Variants in TARS3 observed in about 807,000 individuals in gnomAD.
The protein encoded by TARS3 is threonyl-tRNA synthetase 3.
In TARS3, 94 loss-of-function variants were observed where a neutral mutation model predicts 103.5. The observed-to-expected ratio is 0.91, with a 90% CI of 0.77 to 1.08. The LOEUF is 1.08. TARS3 is among the 50% of genes least tolerant of loss of function. TARS3 has a pLI of 0.00. For missense variants in TARS3, 952 were observed against 995.2 expected (o/e 0.96, Z 0.58); for synonymous variants, 416 against 355.4 (o/e 1.17, Z -1.92).
chr15:101,696,918 T>A (rs529191531), intron 10 of TARS3, among the ~76,000 whole-genome samples: 2 of 152,346 alleles, frequency 1.3e-5, no homozygotes, highest in Admixed American at 1.3e-4. Context: ...GATGCCTCCG[T>A]GTCCTCCATT....
intron 12 of TARS3, among the ~76,000 whole-genome samples, chr15:101,679,970 C>A (rs1314738650): frequency 6.6e-6 from 1 of 152,156 alleles, no homozygotes; most frequent in Non-Finnish European, 1.5e-5. Flanking sequence ...GTGAGAAAGT[C>A]TTATCTTTCC....
Position 101,657,011 on chromosome 15 carries a change from CCTT to C in TARS3, c.2168_2170del (p.Glu723del). 1.9e-6 allele frequency: 3 copies of C among 1,613,552 alleles called. No individual in the cohort carries two copies. Among genetic ancestry groups the C allele is most frequent in the Non-Finnish European group, 1.7e-6 (2 of 1,179,602 alleles). On this transcript the variant is annotated inframe_deletion, in exon 18 of 19. Coordinates refer to ENST00000335968, the MANE Select transcript of TARS3 (RefSeq NM_152334.3). The stretch of plus-strand genomic sequence containing the variant: ...ATCCAAGTCAACGTCAGCCATAAAT[CCTT>C]CTTCAAAAAATTCACTGGATACCTA...
At chr15:101,673,415 T>C (rs542214741) in intron 13 of TARS3, among the ~76,000 whole-genome samples, 1 of 152,312 alleles carries the variant, frequency 6.6e-6, no homozygotes, top group Admixed American at 6.5e-5. Context: ...CCTGGCACTA[T>C]GCCTAACACT....
chr15:101,663,753 A>C (rs1342733588), intron 15 of TARS3, among the ~76,000 whole-genome samples: 1 of 152,190 alleles, frequency 6.6e-6, no homozygotes, highest in Non-Finnish European at 1.5e-5. Context: ...TACTAATAAT[A>C]ATTTTATCTC....
chr15:101,683,568 G>A (rs12595678), intron 12 of TARS3, among the ~76,000 whole-genome samples: 45,071 of 151,990 alleles, frequency 0.3, 7,481 homozygotes, highest in East Asian at 0.69. Context: ...TGTGTAAGAT[G>A]TACCTCCCTC....
At chr15:101,671,313 C>G (rs1011755904) in intron 15 of TARS3, among the ~76,000 whole-genome samples, 173 bp downstream of exon 15, 1 of 152,094 alleles carries the variant, frequency 6.6e-6, no homozygotes, top group African/African-American at 2.4e-5. Context: ...CGCTACTAGA[C>G]CAGAAAATTC....
Position 101,711,817 on chromosome 15 carries a change from T to C in TARS3, c.812+63A>G, listed in dbSNP as rs1418758828. 4 of 1,575,994 alleles carry C rather than the reference T, an allele frequency of 2.5e-6. No individual in the cohort carries two copies. In the African/African-American group the frequency reaches 5.4e-5, roughly 21 times the overall value. Reference sequence around the variant, plus strand: ...AGTATACAGTTACTAGGCTAGTATGTAACCATTACAGAACAATACAATTGA... The same window carrying C: ...AGTATACAGTTACTAGGCTAGTATGCAACCATTACAGAACAATACAATTGA... On this transcript the variant is annotated intron_variant, in intron 5 of 18. Transcript: ENST00000335968.
chr15:101,705,896 C>T (rs1386866136), intron 6 of TARS3, 149 bp from the exon 7 acceptor site: 13 of 681,532 alleles, frequency 1.9e-5, no homozygotes, highest in East Asian at 1.1e-4. Context: ...CAGCCTTGAG[C>T]GACACCGTGC....
intron 8 of TARS3, 80 bp downstream of exon 8, chr15:101,703,776 TATG>T (rs1259882229): frequency 1.2e-6 from 1 of 807,930 alleles, no homozygotes; most frequent in Non-Finnish European, 2.1e-6. Flanking sequence ...CTACAAAAGA[TATG>T]ATTGAATAAG....
At chr15:101,715,096 T>C in intron 3 of TARS3, 133 bp from the exon 4 acceptor site, 1 of 761,260 alleles carries the variant, frequency 1.3e-6, no homozygotes, top group South Asian at 3.4e-5. Context: ...ATAGGACAGA[T>C]ATTTCTTGTT....
chr15:101,720,893 A>G lies in TARS3; in HGVS notation c.566+233T>C, dbSNP rs189566741. ...TTCTCCTTGCCGCTGCCATGTGAAG[A>G]AGGACATGCTTGCTTCCCCTTCTGC... On this transcript the variant is annotated intron_variant, in intron 3 of 18. Transcript: ENST00000335968. Among the ~76,000 whole-genome samples the G allele has an allele frequency of 6.4e-3, 977 of 152,264 alleles. 5 individuals carry two copies. The highest frequency in any genetic ancestry group is 0.017 in the Middle Eastern group (5 of 294).
chr15:101,708,217 C>T (rs1899667418), intron 6 of TARS3, among the ~76,000 whole-genome samples: 1 of 124,880 alleles, frequency 8.0e-6, no homozygotes, highest in African/African-American at 3.1e-5. Context: ...AAGATAGTGC[C>T]ACTGCACTCT....
Position 101,671,526 on chromosome 15 carries a change from C to T in TARS3, c.1927G>A (p.Asp643Asn). The T allele has an allele frequency of 6.2e-7, 1 of 1,611,212 alleles. No individual in the cohort carries two copies. Among genetic ancestry groups the T allele is most frequent in the Non-Finnish European group, 8.5e-7 (1 of 1,177,542 alleles). Residue 643 changes from aspartate to asparagine, a missense_variant, in exon 15 of 19, where the codon GAC becomes AAC. By Grantham distance (23) the Asp-to-Asn change is conservative. Coordinates refer to ENST00000335968, the MANE Select transcript of TARS3 (RefSeq NM_152334.3). ...TTAAATCTAATAGGCAGTTGGAAGTCCAGCTGAATTGTAGCACATTGATGG... is the reference window on the plus strand; with the variant it reads ...TTAAATCTAATAGGCAGTTGGAAGTTCAGCTGAATTGTAGCACATTGATGG... The part of the protein sequence containing the change: ...RYHQCATIQL[D>N]FQLPIRFNLT...
In TARS3 at chr15:101,684,228, A is replaced by T. The variant is rs374361813; in HGVS notation, c.1497T>A (p.Phe499Leu). ...CCCTCCAAGATCGTGGACGATGGGC[A>T]AACATTAGACTAGAAAAGATGTGGT... Reference protein sequence around the residue: ...PMNCPGHCLMFAHRPRSWREM... With the variant: ...PMNCPGHCLMLAHRPRSWREM... The change falls in exon 12 of 19, where the codon TTT becomes TTA. Residue 499 changes from phenylalanine to leucine, a missense_variant. Phe to Leu is a conservative substitution (Grantham distance 22). This residue lies in a region of TARS3 where 540 missense variants were observed against 631.0 expected (regional missense o/e 0.86). Coordinates refer to ENST00000335968, the MANE Select transcript of TARS3 (RefSeq NM_152334.3). 227 of 1,613,728 alleles carry T rather than the reference A, an allele frequency of 1.4e-4. No individual in the cohort carries two copies. The highest frequency in any genetic ancestry group is 1.9e-4 in the Non-Finnish European group (223 of 1,179,780).
intron 15 of TARS3, among the ~76,000 whole-genome samples, chr15:101,665,552 C>G (rs1897548294): frequency 6.6e-6 from 1 of 152,194 alleles, no homozygotes; most frequent in Non-Finnish European, 1.5e-5. Context: ...CACATGAGGA[C>G]AGATTACAAC....
intron 3 of TARS3, among the ~76,000 whole-genome samples, chr15:101,716,946 T>G (rs1324429522): frequency 2.7e-5 from 4 of 149,676 alleles, no homozygotes; most frequent in African/African-American, 9.8e-5. Context: ...AACCTCTACC[T>G]TCCGGGTTCA....
chr15:101,676,246 C>A (rs1898022217), intron 12 of TARS3, among the ~76,000 whole-genome samples: 1 of 152,178 alleles, frequency 6.6e-6, no homozygotes. Context: ...AGGCTGAGAA[C>A]AACGGGGAGG....
chr15:101,679,481 G>T (rs1898166684), intron 12 of TARS3, among the ~76,000 whole-genome samples: 2 of 145,988 alleles, frequency 1.4e-5, no homozygotes, highest in South Asian at 4.6e-4. Context: ...TCTTTCCTGA[G>T]ATTTTCTGTT....
intron 16 of TARS3, among the ~76,000 whole-genome samples, chr15:101,660,816 A>G (rs1380488687): frequency 6.6e-6 from 1 of 152,200 alleles, no homozygotes; most frequent in African/African-American, 2.4e-5. Context: ...TGAGCCATTG[A>G]GCAACAACTA....
Sources: gnomAD v4.1 joint callset for allele counts (sites outside exome capture counted in the v4.1 genomes callset) on GRCh38, gnomAD v4.1.1 for gene constraint, gnomAD v4.1.1 regional missense constraint, MANE v1.5 for transcripts, NCBI Gene and HGNC (gene_info 2026-07-23, HGNC 2026-07-21) for gene names.